The following SCN11A variants were observed in gnomAD, a reference collection of about 807,000 sequenced individuals.
SCN11A encodes sodium voltage-gated channel alpha subunit 11.
A neutral mutation model predicts 162.2 loss-of-function variants in SCN11A; 122 were observed. The observed-to-expected ratio is 0.75, with a 90% CI of 0.65 to 0.87. SCN11A has a LOEUF of 0.87. Among genes scored for constraint, SCN11A ranks in the 40% least tolerant of loss-of-function variants. The pLI, the probability that SCN11A is intolerant of heterozygous loss-of-function variation, is 0.00. For synonymous variants in SCN11A, 758 were observed against 751.5 expected (o/e 1.01, Z -0.14); for missense variants, 2,015 against 2,181.6 (o/e 0.92, Z 1.52).
In SCN11A at chr3:38,885,343, A is replaced by G. The variant is rs985326131; in HGVS notation, c.3009T>C (p.Phe1003=). 2 of 1,613,700 alleles carry G rather than the reference A, an allele frequency of 1.2e-6. No individual in the cohort carries two copies. Among genetic ancestry groups the G allele is most frequent in the African/African-American group, 1.3e-5 (1 of 74,926 alleles). ...ECSTIDLQDG[F]GWLPEMVPKK... is the part of the protein sequence containing the mutation. ...TGGGAACCATCTCAGGTAACCATCCAAAGCCATCCTGAAGATCAATGGTGC... is the reference window on the plus strand; with the variant it reads ...TGGGAACCATCTCAGGTAACCATCCGAAGCCATCCTGAAGATCAATGGTGC... Residue 1003 remains phenylalanine (F), a synonymous_variant, in exon 21 of 30, where the codon TTT becomes TTC. Transcript: ENST00000302328.
At chr3:38,991,109 G>A (rs2030438774) in intron 2 of SCN11A, among the ~76,000 whole-genome samples, 1 of 152,052 alleles carries the variant, frequency 6.6e-6, no homozygotes, top group South Asian at 2.1e-4. Flanking sequence ...GAAATGGATG[G>A]GAGTGAAGTG....
chr3:38,975,509 T>A (rs994189308), intron 2 of SCN11A, among the ~76,000 whole-genome samples: 4 of 152,220 alleles, frequency 2.6e-5, no homozygotes, highest in Admixed American at 6.5e-5. Flanking sequence ...CTGGTCTAAT[T>A]CAGCAGGATT....
At chr3:38,862,950 G>A (rs989426874) in intron 28 of SCN11A, among the ~76,000 whole-genome samples, 6 of 152,060 alleles carry the variant, frequency 3.9e-5, no homozygotes, top group Non-Finnish European at 5.9e-5. Flanking sequence ...TCACATGGTC[G>A]CAATAAGTAT....
At chr3:38,982,109 C>G (rs2030079728) in intron 2 of SCN11A, among the ~76,000 whole-genome samples, 1 of 152,114 alleles carries the variant, frequency 6.6e-6, no homozygotes, top group Non-Finnish European at 1.5e-5. Flanking sequence ...CTCAGGTGTT[C>G]CAGTGAGCCG....
chr3:38,873,254 G>A (rs2065157298), intron 23 of SCN11A, among the ~76,000 whole-genome samples: 1 of 152,148 alleles, frequency 6.6e-6, no homozygotes, highest in African/African-American at 2.4e-5. Context: ...TTATTATGGA[G>A]AGTTTTCAGA....
intron 11 of SCN11A, 56 bp downstream of exon 11, chr3:38,919,879 T>C: frequency 7.8e-7 from 1 of 1,286,078 alleles, no homozygotes. Context: ...TGCCACACCA[T>C]TCTAAAAGGT....
intron 5 of SCN11A, among the ~76,000 whole-genome samples, 196 bp downstream of exon 5, chr3:38,949,900 C>A (rs2066575553): frequency 6.6e-6 from 1 of 152,032 alleles, no homozygotes. Flanking sequence ...CTAATACATG[C>A]ATTGCAGAGA....
chr3:38,896,488 C>T (rs926184055), intron 18 of SCN11A, among the ~76,000 whole-genome samples: 4 of 152,136 alleles, frequency 2.6e-5, no homozygotes, highest in Admixed American at 6.5e-5. Context: ...TTCTTAAGAA[C>T]AAAAGATTGT....
intron 2 of SCN11A, among the ~76,000 whole-genome samples, chr3:39,002,970 C>CCCAACTG (rs2030861596): frequency 1.3e-5 from 2 of 152,272 alleles, no homozygotes; most frequent in Admixed American, 6.5e-5. Flanking sequence ...TATTACAGTG[C>CCCAACTG]TTTGCCTACC....
At chr3:39,037,934 A>C (rs2031948081) in intron 1 of SCN11A, among the ~76,000 whole-genome samples, 1 of 152,250 alleles carries the variant, frequency 6.6e-6, no homozygotes, top group South Asian at 2.1e-4. Flanking sequence ...TAACGAAACC[A>C]ATCTTTTCAT....
At chr3:38,935,459 A>G (rs1559542821) in intron 7 of SCN11A, among the ~76,000 whole-genome samples, 1 of 152,258 alleles carries the variant, frequency 6.6e-6, no homozygotes, top group Non-Finnish European at 1.5e-5. Flanking sequence ...GAAAGGATCA[A>G]CAAAACTGAT....
At chr3:38,861,777 A>G (rs2064968242) in intron 28 of SCN11A, among the ~76,000 whole-genome samples, 1 of 152,220 alleles carries the variant, frequency 6.6e-6, no homozygotes. Flanking sequence ...ACCTGAAACC[A>G]TACAAATTAT....
chr3:38,977,015 A>T (rs181391163), intron 2 of SCN11A, among the ~76,000 whole-genome samples: 1 of 152,342 alleles, frequency 6.6e-6, no homozygotes, highest in East Asian at 1.9e-4. Context: ...ATTCCAGAGC[A>T]GTAGTTTCTA....
At chr3:39,013,816 G>C (rs1381566876) in intron 2 of SCN11A, among the ~76,000 whole-genome samples, 2 of 152,210 alleles carry the variant, frequency 1.3e-5, no homozygotes, top group Non-Finnish European at 2.9e-5. Flanking sequence ...TGCAGCAACA[G>C]CAGGTCTGGC....
At chr3:38,933,483 T>G (rs2066278554) in intron 7 of SCN11A, among the ~76,000 whole-genome samples, 1 of 152,006 alleles carries the variant, frequency 6.6e-6, no homozygotes, top group Non-Finnish European at 1.5e-5. Context: ...TGAAAAAAAT[T>G]TAGACGAAAG....
intron 1 of SCN11A, among the ~76,000 whole-genome samples, chr3:39,049,317 C>A (rs7372927): frequency 0.035 from 5,310 of 152,310 alleles, 189 homozygotes; most frequent in East Asian, 0.16. Context: ...TGGGCAATAG[C>A]CCATTGCATT....
intron 29 of SCN11A, among the ~76,000 whole-genome samples, chr3:38,848,220 T>G (rs1396792259): frequency 6.6e-6 from 1 of 152,252 alleles, no homozygotes; most frequent in Admixed American, 6.5e-5. Context: ...TTCAGAGGTT[T>G]GATCAAACAG....
chr3:38,934,715 C>A (rs1352954266), intron 7 of SCN11A, among the ~76,000 whole-genome samples: 23 of 151,776 alleles, frequency 1.5e-4, no homozygotes, highest in African/African-American at 5.3e-4. Flanking sequence ...CAGGAGCACC[C>A]AGATTCATAA....
At position 38,871,582 on chromosome 3, in the gene SCN11A, T is replaced by C. The variant is rs1171334167; in HGVS notation, c.3622A>G (p.Ile1208Val). 4 of 1,613,180 alleles carry C rather than the reference T, an allele frequency of 2.5e-6. No individual in the cohort carries two copies. The highest frequency in any genetic ancestry group is 2.2e-5 in the East Asian group (1 of 44,840). Residue 1208 changes from isoleucine to valine, a missense_variant, in exon 25 of 30, where the codon ATT (isoleucine) becomes GTT (valine). Coordinates refer to ENST00000302328, the MANE Select transcript of SCN11A (RefSeq NM_001349253.2). ...YFFSGKFGKC[I>V]NGTDSVINYT... The stretch of plus-strand genomic sequence containing the variant: ...TTTATAACTGAGTCTGTTCCATTAA[T>C]GCATTTCCCAAATTTTCCAGAAAAG...
Sources: gnomAD v4.1 joint callset for allele counts (sites outside exome capture counted in the v4.1 genomes callset) on GRCh38, gnomAD v4.1.1 for gene constraint, MANE v1.5 for transcripts, NCBI Gene and HGNC (gene_info 2026-07-23, HGNC 2026-07-21) for gene names.